UBE2F: variants seen among roughly 807,000 people sequenced by gnomAD.
The protein encoded by UBE2F is ubiquitin conjugating enzyme E2 F (putative), also known as NEDD8-conjugating enzyme UBE2F.
A neutral mutation model predicts 29.6 loss-of-function variants in UBE2F; 5 were observed. The observed-to-expected ratio is 0.17, with a 90% confidence interval of 0.09 to 0.36. The LOEUF (loss-of-function observed/expected upper bound fraction) is 0.36, where lower values mean the gene tolerates loss of function less well. Among genes scored for constraint, UBE2F ranks in the 10% least tolerant of loss-of-function variants. The pLI is 1.00. For missense variants in UBE2F, 141 were observed against 228.5 expected (o/e 0.62, Z 2.47); for synonymous variants, 66 against 81.8 (o/e 0.81, Z 1.04).
At position 237,967,184 on chromosome 2, in the gene UBE2F, C is replaced by T. The variant is rs2106314025; in HGVS notation, c.-17+52C>T. The T allele has an allele frequency of 1.8e-6, 2 of 1,110,470 alleles. No homozygotes were observed. The highest frequency in any genetic ancestry group is 1.7e-5 in the African/African-American group (1 of 60,114). 68.8% of individuals were successfully genotyped at this position (1,110,470 alleles called of 1,614,324 possible). ...GCGGGGCGAGGTGCGGCCGCCGGTG[C>T]ACGGGCTGGCCTGCGGGCCGGGCGG... On this transcript the variant is annotated intron_variant, in intron 1 of 9. Coordinates refer to ENST00000272930, the MANE Select transcript of UBE2F (RefSeq NM_080678.3). The surrounding 1 kb of genome is among the most constrained non-coding windows in gnomAD (Gnocchi z 6.3).
intron 4 of UBE2F, among the ~76,000 whole-genome samples, chr2:238,013,156 G>A (rs953430374): frequency 2.6e-5 from 4 of 152,176 alleles, no homozygotes; most frequent in Non-Finnish European, 5.9e-5. Flanking sequence ...TGTAGTCCCA[G>A]CTACTTGGGT....
Position 238,019,654 on chromosome 2 carries a change from C to CTTTTTTTTT in UBE2F, c.282+3032_282+3040dup, listed in dbSNP as rs375103007. Reference sequence around the variant, plus strand: ...GTGCTGGGGAGCCACTGTGCTCAGCCTTTTTTTTTTTTTTTTTTTAATGAG... The same window carrying CTTTTTTTTT: ...GTGCTGGGGAGCCACTGTGCTCAGCCTTTTTTTTTTTTTTTTTTTTTTTTTTTTAATGAG... On this transcript the variant is annotated intron_variant, in intron 5 of 9. Transcript: ENST00000272930. 1.9e-4 allele frequency among the ~76,000 whole-genome samples: 15 copies of CTTTTTTTTT among 78,014 alleles called. 3 individuals are homozygous for CTTTTTTTTT. Among genetic ancestry groups the CTTTTTTTTT allele is most frequent in the African/African-American group, 2.1e-4 (4 of 18,986 alleles). The allele number at this position is 78,014 out of a possible 152,430, so 51.2% of individuals were successfully genotyped here.
In UBE2F at chr2:237,967,593, G is replaced by C. The variant is rs1383934737; in HGVS notation, c.-17+461G>C. ...GACGTGGCCGCAGAAACCGGGACTG[G>C]ACTCCCGATCGGGGCAGGAGTCGCG... On this transcript the variant is annotated intron_variant, in intron 1 of 9. Transcript: ENST00000272930. The surrounding 1 kb of genome is among the most constrained non-coding windows in gnomAD (Gnocchi z 6.3). Among the ~76,000 whole-genome samples, 1 of 152,170 alleles carries C rather than the reference G, an allele frequency of 6.6e-6. No individual in the cohort carries two copies. The highest frequency in any genetic ancestry group is 2.4e-5 in the African/African-American group (1 of 41,446).
At chr2:238,029,647 C>T (rs2064525208) in intron 6 of UBE2F, among the ~76,000 whole-genome samples, 1 of 151,806 alleles carries the variant, frequency 6.6e-6, no homozygotes, top group African/African-American at 2.4e-5. Context: ...TGGGAGCTCC[C>T]ATTGTTGTTA....
intron 3 of UBE2F, among the ~76,000 whole-genome samples, chr2:237,991,609 C>CTTTT: frequency 1.9e-5 from 1 of 53,052 alleles, no homozygotes; most frequent in Non-Finnish European, 3.5e-5. Context: ...TTCTTTCTTT[C>CTTTT]TTTTTTTTTT....
intron 9 of UBE2F, 135 bp downstream of exon 9, chr2:238,036,075 TGTAAACAATATGGTATA>T: frequency 1.3e-6 from 1 of 746,020 alleles, no homozygotes; most frequent in Non-Finnish European, 2.3e-6. Flanking sequence ...CAAAGCAATT[TGTAAACAATATGGTATA>T]GTAAATGTGT....
At chr2:237,975,989 G>A (rs1397024537) in intron 2 of UBE2F, among the ~76,000 whole-genome samples, 1 of 152,094 alleles carries the variant, frequency 6.6e-6, no homozygotes, top group Non-Finnish European at 1.5e-5. Context: ...CTTAGTTTTG[G>A]ATTATCCAGC....
intron 5 of UBE2F, among the ~76,000 whole-genome samples, chr2:238,022,522 G>GT (rs397827558): frequency 1.3e-5 from 2 of 152,118 alleles, no homozygotes; most frequent in African/African-American, 4.8e-5. Context: ...TACAAGTTTG[G>GT]TTTTTTTGTT....
intron 1 of UBE2F, among the ~76,000 whole-genome samples, chr2:237,972,548 T>A (rs866144047): frequency 0.011 from 1,604 of 142,240 alleles, 87 homozygotes; most frequent in African/African-American, 0.034. Flanking sequence ...TAAATTTTTT[T>A]TTTTTTTTTT....
intron 2 of UBE2F, chr2:237,973,660 C>T (rs1474574839): frequency 2.5e-5 from 33 of 1,302,290 alleles, no homozygotes; most frequent in Middle Eastern, 2.1e-4. Flanking sequence ...TCAAAGCCTA[C>T]GGCGAATCTT....
rs988070643 is a variant in UBE2F at position 237,990,396 on chromosome 2, T to C, written c.148+2404T>C. The stretch of plus-strand genomic sequence containing the variant: ...CCCCCAACTTGAGCCTGTATATACA[T>C]GTAAACCTTTTTTTTTTTTTTTAAT... On this transcript the variant is annotated intron_variant, in intron 3 of 9. Coordinates refer to ENST00000272930, the MANE Select transcript of UBE2F (RefSeq NM_080678.3). 3.1e-5 allele frequency: 14 copies of C among 456,798 alleles called. 1 individual carries two copies. The highest frequency in any genetic ancestry group is 2.3e-4 in the African/African-American group (11 of 48,566). 28.3% of individuals were successfully genotyped at this position (456,798 alleles called of 1,614,324 possible).
chr2:237,992,861 C>T lies in UBE2F; in HGVS notation c.149-1883C>T, dbSNP rs148659157. Among the ~76,000 whole-genome samples the T allele has an allele frequency of 7.9e-3, 1,200 of 152,152 alleles. 7 individuals are homozygous for T. Among genetic ancestry groups the T allele is most frequent in the Admixed American group, 0.013 (194 of 15,276 alleles). On this transcript the variant is annotated intron_variant, in intron 3 of 9. Coordinates refer to ENST00000272930, the MANE Select transcript of UBE2F (RefSeq NM_080678.3). ...AAATTTTTATCATTGTCAAACTAAG[C>T]AAATACTTTTGGTGGAACTTGTAAG...
chr2:238,027,597 C>T (rs1295498900), intron 6 of UBE2F, among the ~76,000 whole-genome samples: 1 of 152,168 alleles, frequency 6.6e-6, no homozygotes, highest in Non-Finnish European at 1.5e-5. Flanking sequence ...ACCTGTAACT[C>T]GTATGTACCC....
intron 4 of UBE2F, among the ~76,000 whole-genome samples, chr2:238,005,097 T>G (rs1240626893): frequency 6.6e-6 from 1 of 152,206 alleles, no homozygotes; most frequent in Admixed American, 6.5e-5. Flanking sequence ...TTGTGGAAAT[T>G]TATTATAGCA....
intron 2 of UBE2F, among the ~76,000 whole-genome samples, chr2:237,976,562 T>A (rs1362305146): frequency 1.3e-5 from 2 of 152,170 alleles, no homozygotes; most frequent in Non-Finnish European, 2.9e-5. Context: ...CAGGTAGTTC[T>A]CTGCTTCAAA....
At position 237,994,744 on chromosome 2, in the gene UBE2F, G is replaced by A. The variant is rs1204801827; in HGVS notation, c.149G>A (p.Cys50Tyr). The A allele has an allele frequency of 6.2e-7, 1 of 1,613,786 alleles. No individual in the cohort carries two copies. The highest frequency in any genetic ancestry group is 8.5e-7 in the Non-Finnish European group (1 of 1,179,848). The stretch of plus-strand genomic sequence containing the variant: ...TCCTGATGTGCTGTTTCTTTTGCAG[G>A]TACATGTAAAGTGCATTTTCCTGAT... The part of the protein sequence containing the change: ...EVAELEANLP[C>Y]TCKVHFPDPN... The change falls in exon 4 of 10, where the codon TGT becomes TAT. Residue 50 changes from cysteine (C) to tyrosine (Y), a missense_variant and splice_region_variant. Physicochemically the swap from Cys to Tyr is radical, Grantham distance 194 (BLOSUM62 -2). Coordinates refer to ENST00000272930, the MANE Select transcript of UBE2F (RefSeq NM_080678.3).
intron 5 of UBE2F, among the ~76,000 whole-genome samples, chr2:238,017,742 G>A (rs183430469): frequency 4.9e-4 from 74 of 152,230 alleles, no homozygotes; most frequent in African/African-American, 1.4e-3. Flanking sequence ...CTCTTGGCCC[G>A]TCCAGTAGGA....
chr2:238,010,495 C>G (rs1261859363), intron 4 of UBE2F, among the ~76,000 whole-genome samples: 1 of 152,172 alleles, frequency 6.6e-6, no homozygotes, highest in Non-Finnish European at 1.5e-5. Flanking sequence ...TGAAAAGTTC[C>G]TATAACTGTA....
In UBE2F at chr2:237,967,103, GGCCC is replaced by G; in HGVS notation, c.-42_-39del. 1 of 1,346,182 alleles carries G rather than the reference GGCCC, an allele frequency of 7.4e-7. No individual in the cohort carries two copies. Among genetic ancestry groups the G allele is most frequent in the Non-Finnish European group, 9.6e-7 (1 of 1,045,012 alleles). The allele number at this position is 1,346,182 out of a possible 1,614,324, so 83.4% of individuals were successfully genotyped here. A position where few individuals can be genotyped will look rare whatever the true frequency, so the allele number is the denominator to read the frequency against. On this transcript the variant is annotated 5_prime_UTR_variant, in exon 1 of 10. It removes the in-frame stop codon of an upstream open reading frame in the 5' UTR. Transcript: ENST00000272930. The surrounding 1 kb of genome is among the most constrained non-coding windows in gnomAD (Gnocchi z 6.3). Reference sequence around the variant, plus strand: ...GGACCGGGCATGGTGTTGGGCGCCGGGCCCGCCTCGCCTGTCTCGGGGAGCCCAG... The same window carrying G: ...GGACCGGGCATGGTGTTGGGCGCCGGGCCTCGCCTGTCTCGGGGAGCCCAG...
Sources: allele counts gnomAD v4.1 joint callset (sites outside exome capture counted in the v4.1 genomes callset), GRCh38; gene constraint gnomAD v4.1.1; non-coding constraint Gnocchi (gnomAD v3.1); transcripts MANE v1.5; gene names NCBI Gene and HGNC (gene_info 2026-07-23, HGNC 2026-07-21).